The following PEAK1 variants were observed in gnomAD, a reference collection of about 807,000 sequenced individuals.
PEAK1 encodes inactive tyrosine-protein kinase PEAK1.
Under a neutral mutation model 124.7 loss-of-function variants are expected in PEAK1, and 54 were observed. That is an observed-to-expected ratio of 0.43 (90% CI 0.35 to 0.54). PEAK1 has a LOEUF of 0.54. Ranked by LOEUF, PEAK1 falls within the 20% of genes least tolerant of loss-of-function variation. The probability of loss-of-function intolerance (pLI) is 0.01; values close to 1 mark genes in which losing one functional copy is unlikely to be tolerated. For missense variants in PEAK1, 2,046 were observed against 2,134.5 expected, an observed-to-expected ratio of 0.96 and a Z score of 0.82; for synonymous variants, 719 against 760.0, an observed-to-expected ratio of 0.95 and a Z score of 0.89.
rs933480297 is a variant in PEAK1, at chr15:77,331,153, G to A, written c.-603+34010C>T. The A allele has an allele frequency of 1.5e-5, 7 of 468,992 alleles. No individual in the cohort carries two copies. In the East Asian group the frequency reaches 9.2e-4, roughly 62 times the overall value. The allele number at this position is 468,992 out of a possible 1,614,324, so 29.1% of individuals were successfully genotyped here. ...TTTACTTATTTATTTATTTTGAGAC[G>A]AAGTCTTGCTCTGCTGCCCAGGCTG... is the stretch of plus-strand genomic sequence containing the variant. On this transcript the variant is annotated intron_variant, in intron 2 of 9. Transcript: ENST00000682557.
chr15:77,181,346 G>C lies in PEAK1; in HGVS notation c.581C>G (p.Pro194Arg). Reference sequence around the variant, plus strand: ...CTTTATCCCACCTATCATGCAACTTGGTGGAAGCTTTCTTTCCAATGATCG... The same window carrying C: ...CTTTATCCCACCTATCATGCAACTTCGTGGAAGCTTTCTTTCCAATGATCG... ...YKRSLERKLP[P>R]SCMIGGIKET... The change falls in exon 7 of 10, where the codon CCA becomes CGA. Residue 194 changes from proline (P) to arginine (R), a missense_variant. By Grantham distance (103) the Pro-to-Arg change is moderately radical. Coordinates refer to ENST00000682557, the MANE Select transcript of PEAK1 (RefSeq NM_001385026.1). The C allele has an allele frequency of 6.2e-7, 1 of 1,614,020 alleles. No homozygotes were observed. The highest frequency in any genetic ancestry group is 8.5e-7 in the Non-Finnish European group (1 of 1,180,002).
chr15:77,245,271 C>T (rs1265682713), intron 6 of PEAK1, among the ~76,000 whole-genome samples: 2 of 151,976 alleles, frequency 1.3e-5, no homozygotes, highest in African/African-American at 2.4e-5. Flanking sequence ...GGGAGGATCA[C>T]CTGAGCCCAA....
rs760209229 is a variant in PEAK1 at position 77,133,104 on chromosome 15, G to A, written c.3978C>T (p.Asp1326=). The change falls in exon 9 of 10, where the codon GAC becomes GAT. Residue 1326 remains aspartate, a synonymous_variant. Coordinates refer to ENST00000682557, the MANE Select transcript of PEAK1 (RefSeq NM_001385026.1). The surrounding 1 kb of genome is among the most constrained non-coding windows in gnomAD (Gnocchi z 4.2). ...QLRFGVDSWS[D]FRLTSDKPCC... ...ATGGTTTGTCACTGGTTAGCCTGAA[G>A]TCTGACCAGCTGTCCACTCCAAAAC... 1.9e-6 allele frequency: 3 copies of A among 1,614,246 alleles called. No homozygotes were observed. The highest frequency in any genetic ancestry group is 1.7e-6 in the Non-Finnish European group (2 of 1,180,040).
intron 7 of PEAK1, among the ~76,000 whole-genome samples, chr15:77,173,051 G>A (rs1292590474): frequency 6.6e-6 from 1 of 152,040 alleles, no homozygotes; most frequent in Non-Finnish European, 1.5e-5. Flanking sequence ...ACTGTGTCTG[G>A]CCCACCAAGC....
At position 77,110,396 on chromosome 15, in the gene PEAK1, G is replaced by A. The variant is rs757165328; in HGVS notation, c.*3760C>T. 1.3e-5 allele frequency: 2 copies of A among 152,088 alleles called. No homozygotes were observed. The highest frequency in any genetic ancestry group is 6.6e-5 in the Admixed American group (1 of 15,258). 9.4% of individuals were successfully genotyped at this position (152,088 alleles called of 1,614,324 possible). Reference sequence around the variant, plus strand: ...GCGTGAGCCACTGCGCCTGGCCTGGGAACTTCATACTACTAGAAACTTTTA... The same window carrying A: ...GCGTGAGCCACTGCGCCTGGCCTGGAAACTTCATACTACTAGAAACTTTTA... On this transcript the variant is annotated 3_prime_UTR_variant, in exon 10 of 10. Coordinates refer to ENST00000682557, the MANE Select transcript of PEAK1 (RefSeq NM_001385026.1).
chr15:77,211,164 C>T (rs950814879), intron 6 of PEAK1, among the ~76,000 whole-genome samples: 16 of 152,168 alleles, frequency 1.1e-4, no homozygotes, highest in Admixed American at 4.6e-4. Flanking sequence ...GTAGTTGCAA[C>T]AGAGACTATG....
Position 77,350,391 on chromosome 15 carries a change from C to G in PEAK1, c.-603+14772G>C. The G allele has an allele frequency of 5.1e-6, 5 of 985,316 alleles. No individual in the cohort carries two copies. The South Asian group carries it at 2.4e-4, about 46-fold the overall frequency. 61.0% of individuals were successfully genotyped at this position (985,316 alleles called of 1,614,324 possible). On this transcript the variant is annotated intron_variant, in intron 2 of 9. Transcript: ENST00000682557. ...CAGTTCACAAGACTTCATTTGTGCT[C>G]AGCAAGGACTATCACTGAATAGGGA...
intron 3 of PEAK1, 74 bp downstream of exon 3, chr15:77,286,349 T>C (rs1287079093): frequency 1.2e-6 from 1 of 828,926 alleles, no homozygotes; most frequent in Non-Finnish European, 1.6e-6. Flanking sequence ...TTTGCTGAAA[T>C]AAGACAGGAG....
At chr15:77,338,639 A>AT (rs1405080709) in intron 2 of PEAK1, among the ~76,000 whole-genome samples, 11 of 142,286 alleles carry the variant, frequency 7.7e-5, no homozygotes, top group African/African-American at 2.7e-4. Flanking sequence ...ATCTTTAAAA[A>AT]AAAAAATATA....
intron 2 of PEAK1, among the ~76,000 whole-genome samples, chr15:77,288,185 A>G (rs1353523758): frequency 6.6e-6 from 1 of 152,234 alleles, no homozygotes; most frequent in Non-Finnish European, 1.5e-5. Context: ...TTCAAAGAAT[A>G]AATGTCCAAG....
chr15:77,403,142 G>A, intron 1 of PEAK1: 1 of 985,228 alleles, frequency 1.0e-6, no homozygotes, highest in Non-Finnish European at 1.2e-6. Context: ...CCATATTACA[G>A]GATTTAAAAT....
chr15:77,409,635 T>C (rs1024955245), intron 1 of PEAK1, among the ~76,000 whole-genome samples: 3 of 152,234 alleles, frequency 2.0e-5, no homozygotes, highest in Admixed American at 6.5e-5. Context: ...TGTCTCAACA[T>C]ATCATTATGA....
chr15:77,163,254 T>C (rs1408590686), intron 7 of PEAK1, among the ~76,000 whole-genome samples: 1 of 152,248 alleles, frequency 6.6e-6, no homozygotes, highest in Non-Finnish European at 1.5e-5. Context: ...TTGGTATGTC[T>C]GACCTAATAC....
intron 1 of PEAK1, among the ~76,000 whole-genome samples, chr15:77,400,319 C>T (rs1385010680): frequency 6.6e-6 from 1 of 151,922 alleles, no homozygotes; most frequent in Non-Finnish European, 1.5e-5. Flanking sequence ...AGGTATATAC[C>T]CATAACAAAG....
chr15:77,202,521 CT>C (rs1447981626), intron 6 of PEAK1, among the ~76,000 whole-genome samples: 1 of 151,970 alleles, frequency 6.6e-6, no homozygotes, highest in African/African-American at 2.4e-5. Flanking sequence ...AATCCCAGCA[CT>C]TTGGGAATCC....
chr15:77,356,773 A>G (rs2067544245), intron 2 of PEAK1, among the ~76,000 whole-genome samples: 1 of 152,250 alleles, frequency 6.6e-6, no homozygotes, highest in Non-Finnish European at 1.5e-5. Context: ...GAATTAAGGC[A>G]TTATAATGAT....
intron 6 of PEAK1, among the ~76,000 whole-genome samples, chr15:77,184,528 A>G (rs1012988347): frequency 6.6e-6 from 1 of 152,270 alleles, no homozygotes; most frequent in Non-Finnish European, 1.5e-5. Flanking sequence ...AAAGGTTTAC[A>G]GCCAAAAGCT....
chr15:77,398,794 T>C (rs1054800288), intron 1 of PEAK1, among the ~76,000 whole-genome samples: 2 of 152,080 alleles, frequency 1.3e-5, no homozygotes, highest in Non-Finnish European at 2.9e-5. Context: ...AAATAAAGAA[T>C]ATCCAAATTG....
rs1221414810 is a variant in PEAK1, at chr15:77,109,080, C to T, written c.*5076G>A. The T allele has an allele frequency of 6.6e-6, 1 of 152,208 alleles. No homozygotes were observed. The highest frequency in any genetic ancestry group is 2.4e-5 in the African/African-American group (1 of 41,448). The allele number at this position is 152,208 out of a possible 1,614,324, so 9.4% of individuals were successfully genotyped here. A position where few individuals can be genotyped will look rare whatever the true frequency, so the allele number is the denominator to read the frequency against. ...AATGATGGTGATGATGAATGGTACA[C>T]AACTCTGTAGGAAGGTTTATAAAAA... On this transcript the variant is annotated 3_prime_UTR_variant, in exon 10 of 10. Transcript: ENST00000682557.
Sources: allele counts gnomAD v4.1 joint callset (sites outside exome capture counted in the v4.1 genomes callset), GRCh38; gene constraint gnomAD v4.1.1; non-coding constraint Gnocchi (gnomAD v3.1); transcripts MANE v1.5; gene names NCBI Gene and HGNC (gene_info 2026-07-23, HGNC 2026-07-21).